The following LOC400499 variants were observed in gnomAD, a reference collection of about 807,000 sequenced individuals.
the LOC400499 span, chr16:11,484,729 G>T: frequency 1.2e-4 from 49 of 396,882 alleles, no homozygotes; most frequent in African/African-American, 9.0e-4. Context: ...GCTACCAGTG[G>T]ACTACTCAGA....
chr16:11,417,209 A>ACGGG, the LOC400499 span, among the ~76,000 whole-genome samples: 3 of 151,872 alleles, frequency 2.0e-5, no homozygotes, highest in African/African-American at 7.3e-5. Context: ...TTCAAGTCGG[A>ACGGG]CGGGCCCTCA....
the LOC400499 span, among the ~76,000 whole-genome samples, chr16:11,503,731 C>T: frequency 6.6e-6 from 1 of 152,236 alleles, no homozygotes; most frequent in Non-Finnish European, 1.5e-5. Context: ...GGCAGCCTTC[C>T]CAGAATGTGC....
chr16:11,489,992 G>A, the LOC400499 span, among the ~76,000 whole-genome samples: 16 of 152,330 alleles, frequency 1.1e-4, no homozygotes, highest in Non-Finnish European at 2.1e-4. Flanking sequence ...GTGGAGACGG[G>A]TAAAATGGGT....
At chr16:11,399,712 G>C in the LOC400499 span, 1 of 398,858 alleles carries the variant, frequency 2.5e-6, no homozygotes, top group East Asian at 3.6e-5. Flanking sequence ...CTGCCCCGGG[G>C]AGGCGGCCAG....
At chr16:11,504,635 T>C in the LOC400499 span, among the ~76,000 whole-genome samples, 1 of 151,324 alleles carries the variant, frequency 6.6e-6, no homozygotes, top group East Asian at 2.0e-4. Context: ...ATGATAATAG[T>C]GATAAGGCTG....
chr16:11,464,339 T>G, the LOC400499 span, among the ~76,000 whole-genome samples: 7 of 152,260 alleles, frequency 4.6e-5, no homozygotes, highest in Non-Finnish European at 1.0e-4. Flanking sequence ...TCAGAGGCTG[T>G]GCAGTGCTCG....
the LOC400499 span, among the ~76,000 whole-genome samples, chr16:11,444,357 G>A: frequency 2.0e-4 from 30 of 152,186 alleles, no homozygotes; most frequent in African/African-American, 6.7e-4. Flanking sequence ...AGCCATGATC[G>A]CACCCCTGCC....
chr16:11,418,218 C>A, the LOC400499 span, among the ~76,000 whole-genome samples: 1 of 152,158 alleles, frequency 6.6e-6, no homozygotes, highest in East Asian at 1.9e-4. Flanking sequence ...CACAGCCCTG[C>A]CTGTTTGTCA....
the LOC400499 span, chr16:11,446,464 A>G: frequency 8.0e-7 from 1 of 1,256,600 alleles, no homozygotes; most frequent in Non-Finnish European, 1.1e-6. Context: ...AGTCCAGATA[A>G]CATGTTTTCA....
the LOC400499 span, among the ~76,000 whole-genome samples, chr16:11,379,305 C>T: frequency 6.6e-6 from 1 of 152,172 alleles, no homozygotes; most frequent in Non-Finnish European, 1.5e-5. Context: ...CTATCTGTTT[C>T]TCCTTTCATT....
the LOC400499 span, chr16:11,389,982 G>C: frequency 3.7e-6 from 2 of 535,674 alleles, no homozygotes; most frequent in Admixed American, 4.4e-5. Flanking sequence ...AAAACGAGGA[G>C]AGAAGAAGCC....
At chr16:11,400,555 C>T in the LOC400499 span, among the ~76,000 whole-genome samples, 1 of 152,180 alleles carries the variant, frequency 6.6e-6, no homozygotes, top group Non-Finnish European at 1.5e-5. Flanking sequence ...ATCCTCCCGC[C>T]TCAGCCTCCC....
chr16:11,410,327 G>A, the LOC400499 span, among the ~76,000 whole-genome samples: 4 of 152,110 alleles, frequency 2.6e-5, no homozygotes, highest in Non-Finnish European at 4.4e-5. Context: ...GGTGGCGCAC[G>A]CCTGTCATTC....
the LOC400499 span, among the ~76,000 whole-genome samples, chr16:11,475,215 G>A: frequency 3.9e-5 from 6 of 152,196 alleles, no homozygotes; most frequent in African/African-American, 1.4e-4. Context: ...TAATGCATGC[G>A]GGGCTTGTAA....
chr16:11,387,301 G>T, the LOC400499 span: 1 of 1,232,260 alleles, frequency 8.1e-7, no homozygotes, highest in Non-Finnish European at 1.0e-6. Context: ...GGTTCCTGCA[G>T]GGAATGCAGA....
the LOC400499 span, among the ~76,000 whole-genome samples, chr16:11,378,590 A>G: frequency 6.6e-6 from 1 of 152,172 alleles, no homozygotes; most frequent in Admixed American, 6.5e-5. Context: ...AAGTGTGTAC[A>G]GCTACAAATT....
chr16:11,382,760 A>T, the LOC400499 span, among the ~76,000 whole-genome samples: 1 of 152,106 alleles, frequency 6.6e-6, no homozygotes, highest in African/African-American at 2.4e-5. Flanking sequence ...CAGTGAGCCG[A>T]GATTGTGCCA....
the LOC400499 span, among the ~76,000 whole-genome samples, chr16:11,435,270 A>C: frequency 6.6e-6 from 1 of 151,676 alleles, no homozygotes. Flanking sequence ...ACCCCACCAC[A>C]CCTGGCTAAT....
the LOC400499 span, among the ~76,000 whole-genome samples, chr16:11,453,649 C>T: frequency 6.6e-6 from 1 of 151,662 alleles, no homozygotes; most frequent in African/African-American, 2.4e-5. Context: ...TGAACAGAAC[C>T]AAAGGACAAA....
Sources: gnomAD v4.1 joint callset for allele counts (sites outside exome capture counted in the v4.1 genomes callset) on GRCh38, gnomAD v4.1.1 for gene constraint, MANE v1.5 for transcripts.